MICU1: variants seen among roughly 807,000 people sequenced by gnomAD.
The protein encoded by MICU1 is calcium uptake protein 1, mitochondrial.
A neutral mutation model predicts 56.8 loss-of-function variants in MICU1; 45 were observed. That is an observed-to-expected ratio of 0.79 (90% CI 0.62 to 1.02). The LOEUF (loss-of-function observed/expected upper bound fraction) is 1.02, where lower values mean the gene tolerates loss of function less well. MICU1 is among the 50% of genes least tolerant of loss of function. The pLI is 0.00. For missense variants in MICU1, 504 were observed against 587.1 expected (o/e 0.86, Z 1.46); for synonymous variants, 186 against 195.1 (o/e 0.95, Z 0.39).
intron 8 of MICU1, among the ~76,000 whole-genome samples, chr10:72,442,574 TTATG>T: frequency 6.6e-6 from 1 of 152,352 alleles, no homozygotes; most frequent in East Asian, 1.9e-4. Context: ...ACGACTTGTT[TTATG>T]CTAAGCGTTT....
intron 9 of MICU1, among the ~76,000 whole-genome samples, chr10:72,411,202 G>T (rs991537196): frequency 6.6e-6 from 1 of 152,178 alleles, no homozygotes; most frequent in African/African-American, 2.4e-5. Flanking sequence ...GGGAGGAGGA[G>T]AATGAGGAGC....
chr10:72,542,903 G>C (rs1839809318), intron 4 of MICU1, among the ~76,000 whole-genome samples: 2 of 152,228 alleles, frequency 1.3e-5, no homozygotes, highest in Non-Finnish European at 2.9e-5. Flanking sequence ...AGCTGGAAAA[G>C]GGATGGGATG....
chr10:72,581,644 C>T (rs962540082), intron 1 of MICU1, among the ~76,000 whole-genome samples: 3 of 152,044 alleles, frequency 2.0e-5, no homozygotes, highest in African/African-American at 4.8e-5. Flanking sequence ...TTTGAAGTTA[C>T]TACCAACAGA....
At position 72,551,350 on chromosome 10, in the gene MICU1, A is replaced by T; in HGVS notation, c.331-9T>A. On this transcript the variant is annotated splice_polypyrimidine_tract_variant and intron_variant, in intron 3 of 11. Transcript: ENST00000361114. ...TTCTCATATTCCATCACCTAAAGTTAGAAATTTAGAAAGTGTTACTATATT... is the reference window on the plus strand; with the variant it reads ...TTCTCATATTCCATCACCTAAAGTTTGAAATTTAGAAAGTGTTACTATATT... The T allele has an allele frequency of 6.3e-6, 10 of 1,593,226 alleles. No homozygotes were observed. The highest frequency in any genetic ancestry group is 8.5e-6 in the Non-Finnish European group (10 of 1,169,946).
chr10:72,486,149 GATA>G (rs1866467796), intron 6 of MICU1, among the ~76,000 whole-genome samples: 1 of 151,992 alleles, frequency 6.6e-6, no homozygotes, highest in African/African-American at 2.4e-5. Context: ...AATGCAAGAA[GATA>G]ATAAGGGAAA....
At chr10:72,615,688 T>C (rs1841959453) in intron 1 of MICU1, among the ~76,000 whole-genome samples, 1 of 152,132 alleles carries the variant, frequency 6.6e-6, no homozygotes, top group Non-Finnish European at 1.5e-5. Context: ...CATGTCTCTA[T>C]TTAACATGTT....
At chr10:72,511,210 G>C (rs1422260700) in intron 5 of MICU1, among the ~76,000 whole-genome samples, 1 of 152,014 alleles carries the variant, frequency 6.6e-6, no homozygotes, top group Admixed American at 6.6e-5. Flanking sequence ...TGTTTTTTAG[G>C]TTCACCATGT....
chr10:72,394,881 T>C (rs1863194555), intron 10 of MICU1, among the ~76,000 whole-genome samples: 1 of 151,802 alleles, frequency 6.6e-6, no homozygotes, highest in Admixed American at 6.6e-5. Flanking sequence ...TTTTTTTCTT[T>C]TAGAAACCTA....
rs538444161 is a variant in MICU1, at chr10:72,435,832, G to C, written c.934-12461C>G. On this transcript the variant is annotated intron_variant, in intron 8 of 11. Transcript: ENST00000361114. ...CGAACTGCAAGGCTGCAGCTGGGCAGGGGGAGAGGTGTCCACCATTGCTCA... is the reference window on the plus strand; with the variant it reads ...CGAACTGCAAGGCTGCAGCTGGGCACGGGGAGAGGTGTCCACCATTGCTCA... Among the ~76,000 whole-genome samples the C allele has an allele frequency of 7.9e-5, 12 of 152,388 alleles. No individual in the cohort carries two copies. The South Asian group carries it at 2.5e-3, about 32-fold the overall frequency.
intron 5 of MICU1, among the ~76,000 whole-genome samples, chr10:72,518,374 T>C (rs1356446257): frequency 6.6e-6 from 1 of 152,060 alleles, no homozygotes; most frequent in Non-Finnish European, 1.5e-5. Flanking sequence ...TAATACACAT[T>C]TATATTAATA....
rs181056212 is a variant in MICU1, at chr10:72,373,495, T to G, written c.1270+2288A>C. On this transcript the variant is annotated intron_variant, in intron 11 of 11. Transcript: ENST00000361114. ...CAGGCTTTCCTTTGGCATTTTGACC[T>G]AAGATCTTGCAGTGGTAAAAATAAC... Among the ~76,000 whole-genome samples the G allele has an allele frequency of 1.1e-3, 168 of 152,340 alleles. 1 individual carries two copies. Among genetic ancestry groups the G allele is most frequent in the African/African-American group, 3.8e-3 (160 of 41,592 alleles).
Position 72,512,100 on chromosome 10 carries a change from G to GTTTTTTTTT in MICU1, c.538-3832_538-3831insAAAAAAAAA, listed in dbSNP as rs1199987987. Among the ~76,000 whole-genome samples, 59 of 82,342 alleles carry GTTTTTTTTT rather than the reference G, an allele frequency of 7.2e-4. 9 individuals are homozygous for GTTTTTTTTT. Among genetic ancestry groups the GTTTTTTTTT allele is most frequent in the African/African-American group, 3.1e-3 (54 of 17,248 alleles). The allele number at this position is 82,342 out of a possible 152,430, so 54.0% of individuals were successfully genotyped here. A position where few individuals can be genotyped will look rare whatever the true frequency, so the allele number is the denominator to read the frequency against. On this transcript the variant is annotated intron_variant, in intron 5 of 11. Coordinates refer to ENST00000361114, the MANE Select transcript of MICU1 (RefSeq NM_001195518.2). Reference sequence around the variant, plus strand: ...ATCAATCTGGCATCCATACACAGTTGTTTTTTGTTTTTTTTTTTTTTTTTT... The same window carrying GTTTTTTTTT: ...ATCAATCTGGCATCCATACACAGTTGTTTTTTTTTTTTTTTGTTTTTTTTTTTTTTTTTT...
chr10:72,534,432 T>A (rs1167995518), intron 4 of MICU1, among the ~76,000 whole-genome samples: 1 of 152,114 alleles, frequency 6.6e-6, no homozygotes, highest in Admixed American at 6.6e-5. Flanking sequence ...TCAATAAATA[T>A]CTGTAAAAGA....
intron 11 of MICU1, 58 bp downstream of exon 11, chr10:72,375,725 A>C: frequency 6.7e-7 from 1 of 1,501,358 alleles, no homozygotes; most frequent in Non-Finnish European, 9.1e-7. Flanking sequence ...ATTATACACA[A>C]GGGCCTCTAA....
chr10:72,465,566 T>G (rs1865771662), intron 8 of MICU1, among the ~76,000 whole-genome samples: 2 of 131,894 alleles, frequency 1.5e-5, no homozygotes, highest in South Asian at 2.6e-4. Context: ...CAGGCTGGAG[T>G]GCAGTGGCAC....
intron 2 of MICU1, among the ~76,000 whole-genome samples, chr10:72,564,192 C>G (rs1363859802): frequency 9.9e-5 from 15 of 151,976 alleles, no homozygotes; most frequent in Admixed American, 9.8e-4. Flanking sequence ...GAAAATTGAA[C>G]AAAATATATC....
intron 1 of MICU1, among the ~76,000 whole-genome samples, chr10:72,569,238 T>TTA (rs1554890956): frequency 1.0e-4 from 3 of 29,786 alleles, no homozygotes; most frequent in Non-Finnish European, 2.2e-4. Context: ...TATATATATA[T>TTA]TTTTTTTTTT....
intron 8 of MICU1, among the ~76,000 whole-genome samples, chr10:72,459,603 A>T (rs1865585675): frequency 6.6e-6 from 1 of 152,170 alleles, no homozygotes; most frequent in African/African-American, 2.4e-5. Context: ...CAACTTAAAT[A>T]TAAGGATAGC....
intron 5 of MICU1, among the ~76,000 whole-genome samples, chr10:72,513,821 C>A (rs952707261): frequency 2.6e-5 from 4 of 151,986 alleles, no homozygotes; most frequent in African/African-American, 9.7e-5. Context: ...TTACCACTGT[C>A]TTACATGCTT....
Sources: gnomAD v4.1 joint callset for allele counts (sites outside exome capture counted in the v4.1 genomes callset) on GRCh38, gnomAD v4.1.1 for gene constraint, MANE v1.5 for transcripts, NCBI Gene and HGNC (gene_info 2026-07-23, HGNC 2026-07-21) for gene names.